The following TRAPPC13 variants were observed in gnomAD, a reference collection of about 807,000 sequenced individuals.
The protein encoded by TRAPPC13 is trafficking protein particle complex subunit 13.
Under a neutral mutation model 54.0 loss-of-function variants are expected in TRAPPC13, and 39 were observed. That is an observed-to-expected ratio of 0.72 (90% CI 0.56 to 0.94). The LOEUF is 0.94. TRAPPC13 is among the 40% of genes least tolerant of loss of function. The pLI, the probability that TRAPPC13 is intolerant of heterozygous loss-of-function variation, is 0.00. For synonymous variants in TRAPPC13, 148 were observed against 167.7 expected (o/e 0.88, Z 0.91); for missense variants, 386 against 488.1 (o/e 0.79, Z 1.97).
At position 65,637,709 on chromosome 5, in the gene TRAPPC13, G is replaced by C; in HGVS notation, c.229G>C (p.Gly77Arg). 6.4e-7 allele frequency: 1 copy of C among 1,560,314 alleles called. No individual in the cohort carries two copies. The highest frequency in any genetic ancestry group is 1.2e-5 in the South Asian group (1 of 85,570). ...LPQNFGNIFLGETFSSYISVH... is the reference protein window; with the variant it reads ...LPQNFGNIFLRETFSSYISVH... ...TTTATTTTACAGGAATATATTTTTG[G>C]GAGAGACCTTTTCCAGTTATATCAG... Residue 77 changes from glycine (G) to arginine (R), a missense_variant, in exon 4 of 13, where the codon GGA (glycine) becomes CGA (arginine). Transcript: ENST00000399438.
intron 1 of TRAPPC13, among the ~76,000 whole-genome samples, chr5:65,632,232 C>G (rs1328141916): frequency 6.6e-6 from 1 of 152,122 alleles, no homozygotes. Context: ...CCACTGTAGT[C>G]CAACCTGGGT....
chr5:65,636,741 T>C (rs749288125), intron 3 of TRAPPC13, among the ~76,000 whole-genome samples: 13 of 152,224 alleles, frequency 8.5e-5, no homozygotes, highest in Non-Finnish European at 1.9e-4. Context: ...TTATTTCTTC[T>C]GTTATCCTTA....
chr5:65,638,213 G>A (rs1329611524), intron 4 of TRAPPC13, among the ~76,000 whole-genome samples: 2 of 151,588 alleles, frequency 1.3e-5, no homozygotes, highest in Non-Finnish European at 2.9e-5. Context: ...ATTTTTAATT[G>A]TCATTAACAA....
At chr5:65,631,183 A>G (rs941494839) in intron 1 of TRAPPC13, among the ~76,000 whole-genome samples, 5 of 152,204 alleles carry the variant, frequency 3.3e-5, no homozygotes, top group African/African-American at 1.2e-4. Context: ...CATTACTACT[A>G]TTAAACACAC....
chr5:65,627,289 G>A (rs1237285364), intron 1 of TRAPPC13, among the ~76,000 whole-genome samples: 1 of 151,980 alleles, frequency 6.6e-6, no homozygotes, highest in African/African-American at 2.4e-5. Flanking sequence ...ACATTTCAAT[G>A]TGCTGATGCT....
At chr5:65,628,156 G>T (rs994598672) in intron 1 of TRAPPC13, among the ~76,000 whole-genome samples, 1 of 152,096 alleles carries the variant, frequency 6.6e-6, no homozygotes, top group Admixed American at 6.6e-5. Flanking sequence ...ACCATATGCT[G>T]GAATTTATTA....
intron 4 of TRAPPC13, among the ~76,000 whole-genome samples, chr5:65,638,122 CA>C (rs33942733): frequency 5.6e-4 from 70 of 126,046 alleles, no homozygotes; most frequent in Admixed American, 9.1e-4. Context: ...GACTCCATCT[CA>C]AAAAAAAAAA....
intron 5 of TRAPPC13, among the ~76,000 whole-genome samples, chr5:65,648,403 TGCC>T: frequency 6.6e-6 from 1 of 152,168 alleles, no homozygotes; most frequent in Non-Finnish European, 1.5e-5. Flanking sequence ...TGCCTGTCCC[TGCC>T]TTTCCCATTA....
intron 1 of TRAPPC13, among the ~76,000 whole-genome samples, chr5:65,632,433 A>G (rs1755584101): frequency 6.6e-6 from 1 of 152,194 alleles, no homozygotes; most frequent in African/African-American, 2.4e-5. Context: ...ACTCTTTGGA[A>G]TACATTCCTA....
intron 4 of TRAPPC13, among the ~76,000 whole-genome samples, chr5:65,639,412 C>T (rs1488084281): frequency 6.6e-6 from 1 of 150,608 alleles, no homozygotes. Flanking sequence ...AGAATCCCAA[C>T]ACTTTGGGAG....
At chr5:65,661,502 C>T (rs1756851520) in intron 10 of TRAPPC13, 1 of 152,238 alleles carries the variant, frequency 6.6e-6, no homozygotes, top group South Asian at 2.1e-4. Flanking sequence ...TTTCTTTCCA[C>T]TGTTTGAGGC....
intron 7 of TRAPPC13, among the ~76,000 whole-genome samples, chr5:65,654,971 G>A (rs576816167): frequency 1.3e-5 from 2 of 152,328 alleles, no homozygotes; most frequent in East Asian, 1.9e-4. Context: ...AAATCGTGAA[G>A]TAACACATCC....
At chr5:65,636,065 A>C in intron 3 of TRAPPC13, 22 bp downstream of exon 3, 1 of 1,461,850 alleles carries the variant, frequency 6.8e-7, no homozygotes, top group Non-Finnish European at 9.4e-7. Context: ...ATATTCACAT[A>C]AGAAACCTTG....
chr5:65,657,290 G>A (rs1287395405), intron 8 of TRAPPC13, among the ~76,000 whole-genome samples: 3 of 152,078 alleles, frequency 2.0e-5, no homozygotes, highest in Non-Finnish European at 4.4e-5. Flanking sequence ...GCTGAGGCAG[G>A]AGAATCCCTT....
At chr5:65,625,992 C>T (rs1414671265) in intron 1 of TRAPPC13, 1 of 152,176 alleles carries the variant, frequency 6.6e-6, no homozygotes, top group African/African-American at 2.4e-5. Context: ...TCTAGAAGCT[C>T]ATCAGTCTCA....
At position 65,646,992 on chromosome 5, in the gene TRAPPC13, T is replaced by C. The variant is rs540776757; in HGVS notation, c.301-63T>C. On this transcript the variant is annotated intron_variant, in intron 4 of 12. Transcript: ENST00000399438. Reference sequence around the variant, plus strand: ...CCCCTATTCTTTCCACTCATAGCCATGCACACCCTGTAGGTAACCAGTCTC... The same window carrying C: ...CCCCTATTCTTTCCACTCATAGCCACGCACACCCTGTAGGTAACCAGTCTC... The C allele has an allele frequency of 1.6e-4, 237 of 1,448,884 alleles. No homozygotes were observed. In the East Asian group the frequency reaches 5.6e-3, roughly 34 times the overall value. The allele number at this position is 1,448,884 out of a possible 1,614,324, so 89.8% of individuals were successfully genotyped here. A position where few individuals can be genotyped will look rare whatever the true frequency, so the allele number is the denominator to read the frequency against.
At chr5:65,651,377 T>A (rs1353146005) in intron 6 of TRAPPC13, among the ~76,000 whole-genome samples, 1 of 152,032 alleles carries the variant, frequency 6.6e-6, no homozygotes, top group Non-Finnish European at 1.5e-5. Context: ...CAAGACTCTG[T>A]CTCCGAAAAG....
At chr5:65,631,670 G>A (rs1299815905) in intron 1 of TRAPPC13, among the ~76,000 whole-genome samples, 2 of 152,080 alleles carry the variant, frequency 1.3e-5, no homozygotes, top group Non-Finnish European at 2.9e-5. Flanking sequence ...ATGGCCTCCA[G>A]TTGCATCTAC....
At chr5:65,637,538 G>A (rs922692678) in intron 3 of TRAPPC13, among the ~76,000 whole-genome samples, 158 bp from the exon 4 acceptor site, 4 of 151,990 alleles carry the variant, frequency 2.6e-5, no homozygotes, top group African/African-American at 9.6e-5. Flanking sequence ...GGCTGAGGCA[G>A]GAGAATGGGG....
Sources: allele counts gnomAD v4.1 joint callset (sites outside exome capture counted in the v4.1 genomes callset), GRCh38; gene constraint gnomAD v4.1.1; transcripts MANE v1.5; gene names NCBI Gene and HGNC (gene_info 2026-07-23, HGNC 2026-07-21).